Variants in HTR2C observed in about 807,000 individuals in gnomAD.
The protein encoded by HTR2C is 5-hydroxytryptamine receptor 2C.
A neutral mutation model predicts 21.0 loss-of-function variants in HTR2C; 5 were observed. The ratio of observed to expected loss-of-function variants is 0.24; its 90% CI spans 0.12 to 0.50. The LOEUF (loss-of-function observed/expected upper bound fraction) is 0.50. Ranked by LOEUF, HTR2C falls within the 20% of genes least tolerant of loss-of-function variation. The pLI, the probability that HTR2C is intolerant of heterozygous loss-of-function variation, is 0.98. For missense variants in HTR2C, 271 were observed against 371.2 expected (o/e 0.73, Z 2.22); for synonymous variants, 150 against 145.3 (o/e 1.03, Z -0.23).
intron 2 of HTR2C, among the ~76,000 whole-genome samples, chrX:114,658,015 A>G (rs1930848969): frequency 9.3e-6 from 1 of 107,620 alleles, no homozygotes; most frequent in Non-Finnish European, 1.9e-5. Flanking sequence ...ATATAATAGC[A>G]TTTCTGTAAA....
chrX:114,653,505 GT>G (rs1428332543), intron 2 of HTR2C, among the ~76,000 whole-genome samples: 1 of 110,249 alleles, frequency 9.1e-6, no homozygotes, highest in African/African-American at 3.3e-5. Flanking sequence ...ATTTATGCCT[GT>G]CTTGTAAGTG....
chrX:114,641,056 T>C (rs60116603), intron 2 of HTR2C, among the ~76,000 whole-genome samples: 2 of 91,424 alleles, frequency 2.2e-5, no homozygotes, highest in African/African-American at 1.0e-4. Context: ...TTCTTTCTTT[T>C]TTTCTTTTCT....
At chrX:114,812,803 G>C in intron 4 of HTR2C, among the ~76,000 whole-genome samples, 1 of 111,099 alleles carries the variant, frequency 9.0e-6, no homozygotes, top group Non-Finnish European at 1.9e-5. Flanking sequence ...CAAATAACCT[G>C]GTAGTGAATT....
rs1285717820 is a variant in HTR2C at position 114,907,557 on chromosome X, T to C, written c.*142T>C. ...TACATATAGCTTTGCAACCTTGTAC[T>C]TTACAATCATGCCTACATTAGTGAG... On this transcript the variant is annotated 3_prime_UTR_variant, in exon 6 of 6. Transcript: ENST00000276198. The C allele has an allele frequency of 1.8e-5, 8 of 445,782 alleles. No homozygotes were observed. In the East Asian group the frequency reaches 3.0e-4, roughly 16 times the overall value. 36.7% of individuals were successfully genotyped at this position (445,782 alleles called of 1,213,427 possible). A position where few individuals can be genotyped will look rare whatever the true frequency, so the allele number is the denominator to read the frequency against.
intron 4 of HTR2C, among the ~76,000 whole-genome samples, chrX:114,769,759 A>C (rs782688847): frequency 2.3e-3 from 254 of 111,489 alleles, no homozygotes; most frequent in African/African-American, 7.4e-3. Flanking sequence ...ATTATAATGC[A>C]TCAAAATAGT....
In HTR2C at chrX:114,907,248, A is replaced by C; in HGVS notation, c.1210A>C (p.Thr404Pro). ...PVRQIPRVAA[T>P]ALSGRELNVN... ...CAGGCAGATTCCAAGAGTTGCCGCCACTGCTTTGTCTGGGAGGGAGCTTAA... is the reference window on the plus strand; with the variant it reads ...CAGGCAGATTCCAAGAGTTGCCGCCCCTGCTTTGTCTGGGAGGGAGCTTAA... The change falls in exon 6 of 6, where the codon ACT becomes CCT. Residue 404 changes from threonine to proline, a missense_variant. Thr to Pro is a conservative substitution (Grantham distance 38). Coordinates refer to ENST00000276198, the MANE Select transcript of HTR2C (RefSeq NM_000868.4). The C allele has an allele frequency of 8.3e-7, 1 of 1,211,596 alleles. No homozygotes were observed. Among genetic ancestry groups the C allele is most frequent in the Non-Finnish European group, 1.1e-6 (1 of 895,409 alleles).
rs146723561 is a variant in HTR2C, at chrX:114,661,467, G to T, written c.-80+47586G>T. On this transcript the variant is annotated intron_variant, in intron 2 of 5. Coordinates refer to ENST00000276198, the MANE Select transcript of HTR2C (RefSeq NM_000868.4). ...AAAAGGAACACGTTTTAAGGGAAAT[G>T]ATTGTATATATGTTATGAGGTAAAA... Among the ~76,000 whole-genome samples the T allele has an allele frequency of 3.4e-3, 372 of 110,650 alleles. 3 individuals are homozygous for T. The highest frequency in any genetic ancestry group is 5.9e-3 in the Non-Finnish European group (310 of 52,924).
intron 2 of HTR2C, chrX:114,717,783 C>T (rs1381952393): frequency 9.0e-6 from 1 of 111,433 alleles, no homozygotes; most frequent in African/African-American, 3.3e-5. Flanking sequence ...TTGGGCAAAA[C>T]CACAGCTCTT....
In HTR2C at chrX:114,725,500, C is replaced by A. The variant is rs782517415; in HGVS notation, c.-79-1358C>A. Among the ~76,000 whole-genome samples the A allele has an allele frequency of 1.8e-4, 20 of 112,047 alleles. No individual in the cohort carries two copies. The East Asian group carries it at 5.4e-3, about 30-fold the overall frequency. On this transcript the variant is annotated intron_variant, in intron 2 of 5. Transcript: ENST00000276198. ...CTCAGAGTAATTTGATCGTCTGGAG[C>A]CTTCTTCTCTCAGCTCGTCAAAGTC...
At position 114,909,040 on chromosome X, in the gene HTR2C, G is replaced by A. The variant is rs1368991511; in HGVS notation, c.*1625G>A. 6 of 112,405 alleles carry A rather than the reference G, an allele frequency of 5.3e-5. No homozygotes were observed. The highest frequency in any genetic ancestry group is 1.9e-4 in the African/African-American group (6 of 30,854). The allele number at this position is 112,405 out of a possible 1,213,427, so 9.3% of individuals were successfully genotyped here. On this transcript the variant is annotated 3_prime_UTR_variant, in exon 6 of 6. Coordinates refer to ENST00000276198, the MANE Select transcript of HTR2C (RefSeq NM_000868.4). ...TCTGAATTTCTAAAACCCTTGGTCT[G>A]TGTTCTCAACACACAGTATAGATAA...
chrX:114,719,176 A>T (rs1014061002), intron 2 of HTR2C, among the ~76,000 whole-genome samples: 11 of 109,137 alleles, frequency 1.0e-4, no homozygotes, highest in African/African-American at 3.3e-4. Context: ...ATTTTAAAAA[A>T]ATTTTACAAA....
At chrX:114,732,306 A>C (rs782129916) in intron 4 of HTR2C, among the ~76,000 whole-genome samples, 4 of 111,910 alleles carry the variant, frequency 3.6e-5, no homozygotes, top group African/African-American at 6.5e-5. Flanking sequence ...GCTAATATTT[A>C]TGATGAACAA....
intron 4 of HTR2C, among the ~76,000 whole-genome samples, chrX:114,813,963 G>A (rs782378628): frequency 9.0e-6 from 1 of 111,479 alleles, no homozygotes; most frequent in Admixed American, 9.6e-5. Flanking sequence ...TATATGTAAG[G>A]TACTGAGAGA....
intron 2 of HTR2C, among the ~76,000 whole-genome samples, chrX:114,702,210 T>C (rs1477970698): frequency 3.6e-5 from 4 of 110,865 alleles, no homozygotes; most frequent in Non-Finnish European, 7.6e-5. Context: ...ATACAGAGAA[T>C]GCCACAAAGA....
intron 2 of HTR2C, among the ~76,000 whole-genome samples, chrX:114,688,320 C>CAAAAAAAAAAAAAA (rs61292601): frequency 1.3e-5 from 1 of 77,569 alleles, no homozygotes; most frequent in Non-Finnish European, 2.5e-5. Context: ...GACTCCATCT[C>CAAAAAAAAAAAAAA]AAAAAAAAAA....
At chrX:114,685,238 A>G (rs914084191) in intron 2 of HTR2C, among the ~76,000 whole-genome samples, 13 of 112,116 alleles carry the variant, frequency 1.2e-4, no homozygotes, top group Non-Finnish European at 1.9e-4. Context: ...AGTAATATTT[A>G]GACTTTTATT....
intron 2 of HTR2C, among the ~76,000 whole-genome samples, chrX:114,723,336 G>C (rs1274000475): frequency 9.0e-6 from 1 of 111,329 alleles, no homozygotes; most frequent in South Asian, 3.8e-4. Flanking sequence ...ATGGTAGTTT[G>C]TATTTCTGTG....
intron 2 of HTR2C, among the ~76,000 whole-genome samples, chrX:114,623,369 C>T (rs185793135): frequency 3.6e-5 from 4 of 112,175 alleles, no homozygotes; most frequent in Non-Finnish European, 7.5e-5. Flanking sequence ...GTTTACTTAA[C>T]TCCTCCAAGC....
chrX:114,807,190 CA>C (rs2070474221), intron 4 of HTR2C, among the ~76,000 whole-genome samples: 1 of 574 alleles, frequency 1.7e-3, no homozygotes, highest in Non-Finnish European at 0.059. Context: ...TGTATATATA[CA>C]CCATATATAT....
Sources: allele counts gnomAD v4.1 joint callset (sites outside exome capture counted in the v4.1 genomes callset), GRCh38; gene constraint gnomAD v4.1.1; transcripts MANE v1.5; gene names NCBI Gene and HGNC (gene_info 2026-07-23, HGNC 2026-07-21).